FBLN2: variants seen among roughly 807,000 people sequenced by gnomAD.
The protein encoded by FBLN2 is fibulin-2.
In FBLN2, 81 loss-of-function variants were observed where a neutral mutation model predicts 123.7. The ratio of observed to expected loss-of-function variants is 0.65; its 90% CI spans 0.55 to 0.79. The LOEUF is 0.79. Among genes scored for constraint, FBLN2 ranks in the 30% least tolerant of loss-of-function variants. The probability of loss-of-function intolerance (pLI) is 0.00; values close to 1 mark genes in which losing one functional copy is unlikely to be tolerated. For synonymous variants in FBLN2, 699 were observed against 701.4 expected (o/e 1.00, Z 0.05); for missense variants, 1,603 against 1,681.3 (o/e 0.95, Z 0.81).
At chr3:13,574,188 C>T (rs1704058304) in intron 2 of FBLN2, among the ~76,000 whole-genome samples, 1 of 152,226 alleles carries the variant, frequency 6.6e-6, no homozygotes, top group African/African-American at 2.4e-5. Flanking sequence ...GCCAGAGCAT[C>T]ACAGCATTCA....
intron 2 of FBLN2, among the ~76,000 whole-genome samples, chr3:13,584,515 G>A (rs114180894): frequency 0.011 from 1,631 of 152,322 alleles, 23 homozygotes; most frequent in African/African-American, 0.037. Context: ...GCAGTACCTG[G>A]ACCAGCAACA....
At chr3:13,549,553 T>C in intron 1 of FBLN2, among the ~76,000 whole-genome samples, 1 of 149,790 alleles carries the variant, frequency 6.7e-6, no homozygotes, top group African/African-American at 2.5e-5. Flanking sequence ...CCACCAGTCA[T>C]CCCCTCTGGT....
chr3:13,571,271 GGGCT>G lies in FBLN2; in HGVS notation c.918_921del (p.Leu307ProfsTer49), dbSNP rs1352550047. ...AGCAGGTGGCCACAGGGGGCTGGAT[GGGCT>G]GCCCACTACAGCCCCAGCTGGACCC... is the stretch of plus-strand genomic sequence containing the variant. On this transcript the variant is annotated frameshift_variant, in exon 2 of 18. Coordinates refer to ENST00000404922, the MANE Select transcript of FBLN2 (RefSeq NM_001004019.2). LOFTEE classifies it high-confidence loss of function. 4 of 1,570,402 alleles carry G rather than the reference GGGCT, an allele frequency of 2.5e-6. No homozygotes were observed. The highest frequency in any genetic ancestry group is 3.5e-6 in the Non-Finnish European group (4 of 1,158,496).
Position 13,570,476 on chromosome 3 carries a change from C to A in FBLN2, c.121C>A (p.Leu41Met). Residue 41 changes from leucine (L) to methionine (M), a missense_variant, in exon 2 of 18, where the codon CTG becomes ATG. By Grantham distance (15) the Leu-to-Met change is conservative. Coordinates refer to ENST00000404922, the MANE Select transcript of FBLN2 (RefSeq NM_001004019.2). ...QDCTGVECPP[L>M]ENCIEEALEP... ...CTGCACGGGCGTGGAGTGCCCGCCG[C>A]TGGAGAACTGCATTGAGGAGGCGCT... 6.3e-7 allele frequency: 1 copy of A among 1,581,072 alleles called. No homozygotes were observed. Among genetic ancestry groups the A allele is most frequent in the African/African-American group, 1.3e-5 (1 of 74,438 alleles).
intron 9 of FBLN2, among the ~76,000 whole-genome samples, chr3:13,624,205 G>A (rs981877743): frequency 6.6e-6 from 1 of 152,202 alleles, no homozygotes; most frequent in African/African-American, 2.4e-5. Flanking sequence ...TCTGCCACAT[G>A]GCTGTCCGTG....
intron 1 of FBLN2, among the ~76,000 whole-genome samples, chr3:13,558,368 C>T (rs1284104342): frequency 6.6e-6 from 1 of 151,960 alleles, no homozygotes; most frequent in Non-Finnish European, 1.5e-5. Context: ...TTTGCTGGCA[C>T]CACTCCCCCC....
Position 13,619,800 on chromosome 3 carries a change from T to C in FBLN2, c.2124T>C (p.Tyr708=). Reference sequence around the variant, plus strand: ...CCATATGCTCCTGTTTTCCCGGCTATGCCATCATGGCGGATGGCGTGTCCT... The same window carrying C: ...CCATATGCTCCTGTTTTCCCGGCTACGCCATCATGGCGGATGGCGTGTCCT... ...GSAICSCFPG[Y]AIMADGVSCE... is the part of the protein sequence containing the mutation. The change falls in exon 8 of 18, where the codon TAT becomes TAC. Residue 708 remains tyrosine (Y), a synonymous_variant. Transcript: ENST00000404922. The C allele has an allele frequency of 1.9e-6, 3 of 1,612,892 alleles. No individual in the cohort carries two copies. In the South Asian group the frequency reaches 3.3e-5, roughly 18 times the overall value.
intron 5 of FBLN2, 76 bp downstream of exon 5, chr3:13,614,240 G>A (rs1436185151): frequency 7.0e-7 from 1 of 1,433,390 alleles, no homozygotes; most frequent in Non-Finnish European, 9.4e-7. Context: ...GGGGACCCTG[G>A]GTCCATCATC....
chr3:13,592,502 A>G (rs1901130), intron 2 of FBLN2, among the ~76,000 whole-genome samples: 34,867 of 152,068 alleles, frequency 0.23, 5,452 homozygotes, highest in African/African-American at 0.43. Context: ...TTCCATTGAA[A>G]TTTGGAATTA....
chr3:13,578,990 G>A (rs1028311374), intron 2 of FBLN2, among the ~76,000 whole-genome samples: 9 of 152,232 alleles, frequency 5.9e-5, no homozygotes, highest in Non-Finnish European at 1.0e-4. Context: ...AGGAGGCGGA[G>A]GTTGTGGTGA....
At chr3:13,594,742 T>C (rs758381039) in intron 2 of FBLN2, among the ~76,000 whole-genome samples, 3 of 152,036 alleles carry the variant, frequency 2.0e-5, no homozygotes, top group Non-Finnish European at 2.9e-5. Context: ...GGCTTTCAGG[T>C]GACACTCAGC....
intron 16 of FBLN2, among the ~76,000 whole-genome samples, chr3:13,635,953 G>A (rs1157837768): frequency 6.6e-6 from 1 of 152,192 alleles, no homozygotes; most frequent in African/African-American, 2.4e-5. Flanking sequence ...CCACTGTAGA[G>A]TGGTCAGGGA....
At chr3:13,611,686 G>C (rs1323160266) in intron 4 of FBLN2, among the ~76,000 whole-genome samples, 1 of 152,188 alleles carries the variant, frequency 6.6e-6, no homozygotes, top group Non-Finnish European at 1.5e-5. Context: ...TTCATCGATG[G>C]ACACTTGGGT....
At chr3:13,578,550 A>G (rs1704220408) in intron 2 of FBLN2, among the ~76,000 whole-genome samples, 1 of 152,256 alleles carries the variant, frequency 6.6e-6, no homozygotes, top group Non-Finnish European at 1.5e-5. Context: ...TCATGGTTGA[A>G]TAATGTTGTA....
chr3:13,630,213 G>A (rs752649811), intron 14 of FBLN2, among the ~76,000 whole-genome samples: 4 of 152,222 alleles, frequency 2.6e-5, no homozygotes, highest in Non-Finnish European at 5.9e-5. Context: ...GGGTCTCTGT[G>A]TCATCTGTAC....
At chr3:13,573,177 A>G (rs1199489285) in intron 2 of FBLN2, among the ~76,000 whole-genome samples, 2 of 39,224 alleles carry the variant, frequency 5.1e-5, no homozygotes, top group Non-Finnish European at 9.1e-5. Flanking sequence ...CTTCTGCCCT[A>G]TATGGCTCCC....
chr3:13,577,172 G>A (rs148998648), intron 2 of FBLN2, among the ~76,000 whole-genome samples: 6,794 of 149,772 alleles, frequency 0.045, 240 homozygotes, highest in South Asian at 0.13. Context: ...GCAGTGAGCC[G>A]AGATTGCGCC....
intron 2 of FBLN2, among the ~76,000 whole-genome samples, chr3:13,604,882 C>T (rs1448066872): frequency 6.6e-6 from 1 of 152,268 alleles, no homozygotes. Flanking sequence ...CGATGACCCT[C>T]AGTGAGCTCT....
At chr3:13,568,412 C>T (rs1252396047) in intron 1 of FBLN2, among the ~76,000 whole-genome samples, 1 of 152,244 alleles carries the variant, frequency 6.6e-6, no homozygotes, top group Non-Finnish European at 1.5e-5. Context: ...TGGGCTCTCT[C>T]ACCTGCTCCC....
Sources: allele counts gnomAD v4.1 joint callset (sites outside exome capture counted in the v4.1 genomes callset), GRCh38; gene constraint gnomAD v4.1.1; transcripts MANE v1.5; gene names NCBI Gene and HGNC (gene_info 2026-07-23, HGNC 2026-07-21).